STK32B: variants seen among roughly 807,000 people sequenced by gnomAD.
STK32B encodes the protein serine/threonine-protein kinase 32B.
A neutral mutation model predicts 52.6 loss-of-function variants in STK32B; 43 were observed. The ratio of observed to expected loss-of-function variants is 0.82; its 90% CI spans 0.64 to 1.05. STK32B has a LOEUF of 1.05. Among genes scored for constraint, STK32B ranks in the 50% least tolerant of loss-of-function variants. STK32B has a pLI of 0.00. For synonymous variants in STK32B, 238 were observed against 204.3 expected (o/e 1.17, Z -1.41); for missense variants, 621 against 534.6 (o/e 1.16, Z -1.59).
At chr4:5,221,719 G>C (rs1218322840) in intron 3 of STK32B, among the ~76,000 whole-genome samples, 1 of 151,994 alleles carries the variant, frequency 6.6e-6, no homozygotes, top group Admixed American at 6.6e-5. Flanking sequence ...AGCCAGGTGT[G>C]GTCGTGTGTG....
chr4:5,175,890 G>T (rs1450572145), intron 3 of STK32B, among the ~76,000 whole-genome samples: 1 of 152,212 alleles, frequency 6.6e-6, no homozygotes, highest in Non-Finnish European at 1.5e-5. Flanking sequence ...TCTTTGCCCT[G>T]CCCCCAGAGG....
intron 4 of STK32B, among the ~76,000 whole-genome samples, chr4:5,362,912 C>T (rs1046999062): frequency 6.6e-6 from 1 of 152,198 alleles, no homozygotes; most frequent in Non-Finnish European, 1.5e-5. Context: ...TCCATACTGC[C>T]TGGGTGATTT....
At chr4:5,328,795 A>G (rs1488775002) in intron 3 of STK32B, among the ~76,000 whole-genome samples, 1 of 152,294 alleles carries the variant, frequency 6.6e-6, no homozygotes, top group East Asian at 1.9e-4. Flanking sequence ...AAGAAAGTGA[A>G]GTGCAGTAAA....
At chr4:5,428,428 CA>C (rs990578339) in intron 6 of STK32B, among the ~76,000 whole-genome samples, 17 of 151,854 alleles carry the variant, frequency 1.1e-4, no homozygotes, top group Admixed American at 6.6e-5. Context: ...AACAAACAAA[CA>C]AAAAAACATT....
intron 3 of STK32B, among the ~76,000 whole-genome samples, chr4:5,209,074 T>A (rs1722750304): frequency 6.6e-6 from 1 of 152,194 alleles, no homozygotes; most frequent in Admixed American, 6.5e-5. Flanking sequence ...GGAGCTTCCA[T>A]CCCAGCTGCC....
intron 1 of STK32B, among the ~76,000 whole-genome samples, chr4:5,078,192 C>T (rs545548360): frequency 1.4e-4 from 22 of 152,254 alleles, no homozygotes; most frequent in African/African-American, 4.8e-4. Flanking sequence ...GCAGACTTCC[C>T]CTTGTAGCTC....
rs1003324662 is a variant in STK32B, at chr4:5,396,546, C to G, written c.435-1661C>G. On this transcript the variant is annotated intron_variant, in intron 4 of 11. Transcript: ENST00000282908. This position sits in a 1 kb window ranked among gnomAD's most constrained non-coding sequence, Gnocchi z 4.7. The stretch of plus-strand genomic sequence containing the variant: ...CCAGATCACATCTTCTTGGGTCTGT[C>G]ACCCCACCCTCACCTCACCTGTGTC... Among the ~76,000 whole-genome samples the G allele has an allele frequency of 2.6e-5, 4 of 152,154 alleles. No homozygotes were observed. Among genetic ancestry groups the G allele is most frequent in the African/African-American group, 9.7e-5 (4 of 41,446 alleles).
intron 3 of STK32B, among the ~76,000 whole-genome samples, chr4:5,275,210 A>G (rs1218337275): frequency 6.6e-6 from 1 of 152,174 alleles, no homozygotes; most frequent in Non-Finnish European, 1.5e-5. Flanking sequence ...AACAAAACCA[A>G]TTATATAATA....
At chr4:5,498,815 T>G in intron 11 of STK32B, 130 bp from the exon 12 acceptor site, 1 of 1,332,822 alleles carries the variant, frequency 7.5e-7, no homozygotes, top group African/African-American at 1.5e-5. Flanking sequence ...GCCTTAATGA[T>G]CAATCTTCCC....
intron 6 of STK32B, among the ~76,000 whole-genome samples, chr4:5,444,006 C>T (rs1167760139): frequency 6.6e-6 from 1 of 152,210 alleles, no homozygotes; most frequent in Admixed American, 6.5e-5. Context: ...CTCTTCAAAG[C>T]TGTCAGACAG....
At chr4:5,388,837 A>G (rs1375516086) in intron 4 of STK32B, among the ~76,000 whole-genome samples, 3 of 152,188 alleles carry the variant, frequency 2.0e-5, no homozygotes, top group Non-Finnish European at 2.9e-5. Context: ...CATGTTTGTG[A>G]ATCCCAAAAC....
the STK32B span, among the ~76,000 whole-genome samples, chr4:5,044,130 C>G: frequency 6.6e-6 from 1 of 152,188 alleles, no homozygotes. Flanking sequence ...TGATCCAGCT[C>G]TCTCTCAATC....
At chr4:5,450,164 C>G (rs1406594200) in intron 7 of STK32B, among the ~76,000 whole-genome samples, 1 of 152,144 alleles carries the variant, frequency 6.6e-6, no homozygotes, top group African/African-American at 2.4e-5. Context: ...CTCTCTGACC[C>G]AAACTAGAAT....
At chr4:5,416,730 A>G (rs1181420354) in intron 5 of STK32B, 115 bp from the exon 6 acceptor site, 6 of 743,358 alleles carry the variant, frequency 8.1e-6, no homozygotes, top group South Asian at 8.0e-5. Context: ...CGATAGTATT[A>G]TAAATAGAAG....
chr4:5,297,051 G>A (rs920109952), intron 3 of STK32B, among the ~76,000 whole-genome samples: 2 of 152,146 alleles, frequency 1.3e-5, no homozygotes, highest in Non-Finnish European at 2.9e-5. Context: ...TAGTTTGGCT[G>A]GATATGAAAT....
Position 5,398,135 on chromosome 4 carries a change from T to C in STK32B, c.435-72T>C. The C allele has an allele frequency of 6.4e-7, 1 of 1,567,440 alleles. No homozygotes were observed. The highest frequency in any genetic ancestry group is 2.2e-5 in the East Asian group (1 of 44,630). ...CTGGGTGTTCCAGCATTTGTCCTGA[T>C]GTGGTGCTTGTCTATGTGCTCATCT... On this transcript the variant is annotated intron_variant, in intron 4 of 11. Transcript: ENST00000282908. This position sits in a 1 kb window ranked among gnomAD's most constrained non-coding sequence, Gnocchi z 4.9.
chr4:5,146,076 A>T (rs1165221013), intron 2 of STK32B, among the ~76,000 whole-genome samples: 4 of 148,250 alleles, frequency 2.7e-5, no homozygotes, highest in Non-Finnish European at 5.9e-5. Context: ...CCTAGTATGG[A>T]CATCAGTTTC....
chr4:5,310,824 TGTG>T (rs1261388138), intron 3 of STK32B, among the ~76,000 whole-genome samples: 2 of 152,098 alleles, frequency 1.3e-5, no homozygotes, highest in African/African-American at 4.8e-5. Context: ...ATACAGAAAA[TGTG>T]GTATATGTAC....
intron 4 of STK32B, among the ~76,000 whole-genome samples, chr4:5,372,518 A>G (rs1423822427): frequency 6.6e-6 from 1 of 152,138 alleles, no homozygotes; most frequent in Non-Finnish European, 1.5e-5. Flanking sequence ...TTACCATCCT[A>G]TTAAGGAAAG....
Sources: allele counts gnomAD v4.1 joint callset (sites outside exome capture counted in the v4.1 genomes callset), GRCh38; gene constraint gnomAD v4.1.1; non-coding constraint Gnocchi (gnomAD v3.1); transcripts MANE v1.5; gene names NCBI Gene and HGNC (gene_info 2026-07-23, HGNC 2026-07-21).